The following FAT4 variants were observed in gnomAD, a reference collection of about 807,000 sequenced individuals.
FAT4 encodes the protein FAT atypical cadherin 4.
In FAT4, 84 loss-of-function variants were observed where a neutral mutation model predicts 303.9. That is an observed-to-expected ratio of 0.28 (90% CI 0.23 to 0.33). The LOEUF (loss-of-function observed/expected upper bound fraction) is 0.33. Among genes scored for constraint, FAT4 ranks in the 10% least tolerant of loss-of-function variants. The pLI, the probability that FAT4 is intolerant of heterozygous loss-of-function variation, is 1.00. For missense variants in FAT4, 6,005 were observed against 6,146.8 expected (o/e 0.98, Z 0.77); for synonymous variants, 2,307 against 2,298.8 (o/e 1.00, Z -0.10).
At chr4:125,431,865 T>A (rs1725294923) in intron 7 of FAT4, among the ~76,000 whole-genome samples, 1 of 149,550 alleles carries the variant, frequency 6.7e-6, no homozygotes, top group South Asian at 2.1e-4. Context: ...ATTTTTTTTT[T>A]ATGCAACTGG....
At chr4:125,372,100 A>G (rs1239728912) in intron 2 of FAT4, among the ~76,000 whole-genome samples, 1 of 152,142 alleles carries the variant, frequency 6.6e-6, no homozygotes, top group Non-Finnish European at 1.5e-5. Flanking sequence ...TAATCCCAAC[A>G]CTTTGGAAGG....
intron 2 of FAT4, among the ~76,000 whole-genome samples, chr4:125,336,717 A>G (rs1046893687): frequency 6.6e-6 from 1 of 151,962 alleles, no homozygotes; most frequent in Non-Finnish European, 1.5e-5. Context: ...TTTTTTGAGT[A>G]AGTGGTCTTA....
At chr4:125,432,438 A>G (rs778273685) in intron 7 of FAT4, among the ~76,000 whole-genome samples, 4 of 152,226 alleles carry the variant, frequency 2.6e-5, no homozygotes, top group Admixed American at 6.5e-5. Context: ...ATATCTAAGG[A>G]CTAAACAAAT....
chr4:125,392,906 C>G (rs1323225922), intron 2 of FAT4, among the ~76,000 whole-genome samples: 1 of 152,188 alleles, frequency 6.6e-6, no homozygotes, highest in African/African-American at 2.4e-5. Flanking sequence ...CTGGAAAAAT[C>G]AGTGCCCTCG....
Position 125,448,399 on chromosome 4 carries a change from C to T in FAT4, c.7451-62C>T, listed in dbSNP as rs115240175. 83,054 of 1,458,204 alleles carry T rather than the reference C, an allele frequency of 0.057. 2,554 individuals carry two copies. Among genetic ancestry groups the T allele is most frequent in the African/African-American group, 0.098 (6,936 of 70,532 alleles). 90.3% of individuals were successfully genotyped at this position (1,458,204 alleles called of 1,614,324 possible). A position where few individuals can be genotyped will look rare whatever the true frequency, so the allele number is the denominator to read the frequency against. On this transcript the variant is annotated intron_variant, in intron 9 of 17. Coordinates refer to ENST00000394329, the MANE Select transcript of FAT4 (RefSeq NM_001291303.3). Reference sequence around the variant, plus strand: ...AATAGAGTGTCTTATATGCACTTATCTGCTACCAAATATTTTATTTAAATT... The same window carrying T: ...AATAGAGTGTCTTATATGCACTTATTTGCTACCAAATATTTTATTTAAATT...
rs2893130 is a variant in FAT4 at position 125,411,657 on chromosome 4, G to T, written c.5920+2863G>T. On this transcript the variant is annotated intron_variant, in intron 5 of 17. Coordinates refer to ENST00000394329, the MANE Select transcript of FAT4 (RefSeq NM_001291303.3). ...TAGAAATTAGAAGATAACATTTATA[G>T]ATTGTGAGTAAATATACATATTTTA... Among the ~76,000 whole-genome samples, 12 of 150,376 alleles carry T rather than the reference G, an allele frequency of 8.0e-5. 2 individuals carry two copies. In the Admixed American group the frequency reaches 8.0e-4, roughly 10 times the overall value.
intron 15 of FAT4, 66 bp downstream of exon 15, chr4:125,479,931 C>T: frequency 8.0e-7 from 1 of 1,242,770 alleles, no homozygotes; most frequent in Non-Finnish European, 1.1e-6. Flanking sequence ...TATATGCACC[C>T]AAGTATGTAA....
Position 125,446,551 on chromosome 4 carries a change from AC to A in FAT4, c.7450+10del. The A allele has an allele frequency of 6.2e-7, 1 of 1,600,528 alleles. No homozygotes were observed. The highest frequency in any genetic ancestry group is 8.5e-7 in the Non-Finnish European group (1 of 1,169,978). On this transcript the variant is annotated intron_variant, in intron 9 of 17. Coordinates refer to ENST00000394329, the MANE Select transcript of FAT4 (RefSeq NM_001291303.3). ...CATCTCCTACTCTTCCAGGTAATCA[AC>A]CAAATTCTGAGGCCACATGGATATA...
At chr4:125,359,905 G>T (rs1333755503) in intron 2 of FAT4, among the ~76,000 whole-genome samples, 1 of 152,108 alleles carries the variant, frequency 6.6e-6, no homozygotes, top group Admixed American at 6.6e-5. Context: ...GGGAGAAGTA[G>T]TTCCAAAGAT....
At position 125,491,839 on chromosome 4, in the gene FAT4, A is replaced by C. The variant is rs113367294; in HGVS notation, c.*71A>C. ...TCAAACCATTGTAAAGTTGCTGACT[A>C]GGTTGGGTCACATTTGAAAAACAGG... On this transcript the variant is annotated 3_prime_UTR_variant, in exon 18 of 18. Coordinates refer to ENST00000394329, the MANE Select transcript of FAT4 (RefSeq NM_001291303.3). The C allele has an allele frequency of 2.8e-6, 4 of 1,450,432 alleles. No individual in the cohort carries two copies. In the African/African-American group the frequency reaches 4.3e-5, roughly 16 times the overall value. 89.8% of individuals were successfully genotyped at this position (1,450,432 alleles called of 1,614,324 possible).
chr4:125,431,875 G>A lies in FAT4; in HGVS notation c.7019-2370G>A, dbSNP rs889188726. ...AGGTAATTTTTTTTTTATGCAACTG[G>A]TGGGAATTCTACTAACATTATTCAG... On this transcript the variant is annotated intron_variant, in intron 7 of 17. Transcript: ENST00000394329. 4.4e-4 allele frequency among the ~76,000 whole-genome samples: 67 copies of A among 151,752 alleles called. 1 individual carries two copies. The highest frequency in any genetic ancestry group is 6.2e-4 in the South Asian group (3 of 4,818).
At chr4:125,390,416 C>T (rs1209531485) in intron 2 of FAT4, among the ~76,000 whole-genome samples, 1 of 152,086 alleles carries the variant, frequency 6.6e-6, no homozygotes, top group Non-Finnish European at 1.5e-5. Flanking sequence ...GAAGCAACAG[C>T]TGAGGCGTGA....
At chr4:125,428,067 G>A (rs564296603) in intron 7 of FAT4, among the ~76,000 whole-genome samples, 14 of 152,174 alleles carry the variant, frequency 9.2e-5, no homozygotes, top group Admixed American at 3.3e-4. Context: ...TGGAGGCTGA[G>A]GCAGGAGATC....
intron 3 of FAT4, among the ~76,000 whole-genome samples, chr4:125,400,249 A>G (rs1734333884): frequency 6.6e-6 from 1 of 151,966 alleles, no homozygotes; most frequent in African/African-American, 2.4e-5. Flanking sequence ...TGGGATGGCT[A>G]TTTACTCCAT....
rs1726038245 is a variant in FAT4 at position 125,450,883 on chromosome 4, A to T, written c.9873A>T (p.Lys3291Asn). Residue 3291 changes from lysine (K) to asparagine (N), a missense_variant, in exon 10 of 18, where the codon AAA (lysine) becomes AAT (asparagine). By Grantham distance (94) the Lys-to-Asn change is moderately conservative. Coordinates refer to ENST00000394329, the MANE Select transcript of FAT4 (RefSeq NM_001291303.3). ...TTGCCACTGTTAATATACAATTAAA[A>T]GGGACAAATGAATATGTGCCCCGTT... The part of the protein sequence containing the change: ...CSFATVNIQL[K>N]GTNEYVPRFV... The T allele has an allele frequency of 6.2e-7, 1 of 1,614,044 alleles. No homozygotes were observed. Among genetic ancestry groups the T allele is most frequent in the African/African-American group, 1.3e-5 (1 of 74,928 alleles).
intron 2 of FAT4, among the ~76,000 whole-genome samples, chr4:125,332,159 CTTTTTTTTTT>C (rs199702900): frequency 7.5e-6 from 1 of 133,304 alleles, no homozygotes; most frequent in Non-Finnish European, 1.6e-5. Context: ...CCGTTCCATT[CTTTTTTTTTT>C]TTTTTTTCCT....
At position 125,451,519 on chromosome 4, in the gene FAT4, A is replaced by G; in HGVS notation, c.10509A>G (p.Glu3503=). The part of the protein sequence containing the change: ...TGSASLLVTL[E]DINDNGPMLT... Reference sequence around the variant, plus strand: ...GTGCCTCTTTATTAGTCACCCTGGAAGATATAAATGATAACGGGCCCATGC... The same window carrying G: ...GTGCCTCTTTATTAGTCACCCTGGAGGATATAAATGATAACGGGCCCATGC... The change falls in exon 10 of 18, where the codon GAA becomes GAG. Residue 3503 remains glutamate, a synonymous_variant. Coordinates refer to ENST00000394329, the MANE Select transcript of FAT4 (RefSeq NM_001291303.3). The G allele has an allele frequency of 1.9e-6, 3 of 1,614,150 alleles. No homozygotes were observed. The highest frequency in any genetic ancestry group is 1.7e-6 in the Non-Finnish European group (2 of 1,180,014).
At chr4:125,342,793 G>C (rs1731849261) in intron 2 of FAT4, among the ~76,000 whole-genome samples, 2 of 151,750 alleles carry the variant, frequency 1.3e-5, no homozygotes, top group African/African-American at 4.8e-5. Context: ...GTTAAAATGA[G>C]ATAAAAATTC....
chr4:125,400,817 A>G (rs980570948), intron 3 of FAT4, among the ~76,000 whole-genome samples: 14 of 152,060 alleles, frequency 9.2e-5, no homozygotes, highest in African/African-American at 3.1e-4. Context: ...TATAAGAAGT[A>G]CTTTTGAGAT....
Sources: allele counts gnomAD v4.1 joint callset (sites outside exome capture counted in the v4.1 genomes callset), GRCh38; gene constraint gnomAD v4.1.1; transcripts MANE v1.5; gene names NCBI Gene and HGNC (gene_info 2026-07-23, HGNC 2026-07-21).